INPP4B: variants seen among roughly 807,000 people sequenced by gnomAD.
INPP4B encodes inositol polyphosphate 4-phosphatase type II.
In INPP4B, 55 loss-of-function variants were observed where a neutral mutation model predicts 122.5. That is an observed-to-expected ratio of 0.45 (90% CI 0.36 to 0.56). INPP4B has a LOEUF of 0.56. Ranked by LOEUF, INPP4B falls within the 20% of genes least tolerant of loss-of-function variation. INPP4B has a pLI of 0.00. For synonymous variants in INPP4B, 403 were observed against 388.7 expected (o/e 1.04, Z -0.43); for missense variants, 1,000 against 1,097.7 (o/e 0.91, Z 1.26).
chr4:142,697,877 A>G (rs567493637), intron 2 of INPP4B, among the ~76,000 whole-genome samples: 4 of 152,328 alleles, frequency 2.6e-5, no homozygotes, highest in Admixed American at 2.6e-4. Flanking sequence ...ATTCATATGT[A>G]AATAACAATA....
chr4:142,075,554 T>C (rs373280149), intron 25 of INPP4B, among the ~76,000 whole-genome samples: 2 of 152,012 alleles, frequency 1.3e-5, no homozygotes, highest in African/African-American at 4.8e-5. Context: ...CCTGAGACTT[T>C]TTTCCTAAGA....
At position 142,170,764 on chromosome 4, in the gene INPP4B, G is replaced by C. The variant is rs150612768; in HGVS notation, c.1359+2868C>G. 9.2e-5 allele frequency among the ~76,000 whole-genome samples: 14 copies of C among 151,836 alleles called. No individual in the cohort carries two copies. In the East Asian group the frequency reaches 2.7e-3, roughly 29 times the overall value. ...TACTATCGAGTTTTGGAATTCCTGG[G>C]AAGAACAGGCCTGTGTTTTATTCCA... On this transcript the variant is annotated intron_variant, in intron 16 of 25. Transcript: ENST00000262992.
At chr4:142,301,510 G>T (rs1761398029) in intron 9 of INPP4B, among the ~76,000 whole-genome samples, 1 of 152,136 alleles carries the variant, frequency 6.6e-6, no homozygotes, top group African/African-American at 2.4e-5. Flanking sequence ...AGCAGCTGTA[G>T]AATTTTAGAC....
chr4:142,244,312 T>G (rs1220616607), intron 11 of INPP4B, among the ~76,000 whole-genome samples: 2 of 52,998 alleles, frequency 3.8e-5, no homozygotes, highest in Non-Finnish European at 8.5e-5. Context: ...TTTTTTTTTT[T>G]TTTTTGAGAC....
intron 2 of INPP4B, among the ~76,000 whole-genome samples, chr4:142,623,269 A>G (rs1560879143): frequency 6.6e-6 from 1 of 151,902 alleles, no homozygotes; most frequent in Admixed American, 6.6e-5. Flanking sequence ...AATCTCCCTA[A>G]CAGGGTGGTG....
intron 7 of INPP4B, among the ~76,000 whole-genome samples, chr4:142,332,206 C>A (rs1355916606): frequency 1.3e-5 from 2 of 152,008 alleles, no homozygotes; most frequent in Non-Finnish European, 2.9e-5. Flanking sequence ...TTATATTATA[C>A]CATGTTTCAG....
rs531812170 is a variant in INPP4B, at chr4:142,441,682, A to G, written c.-126-10297T>C. On this transcript the variant is annotated intron_variant, in intron 3 of 25. Coordinates refer to ENST00000262992, the MANE Select transcript of INPP4B (RefSeq NM_001101669.3). ...AGGTGCAAAAATATTTAAGGGGACA[A>G]GAAAAGAAGTTAGTTGGAAAAGGCA... 1.3e-4 allele frequency among the ~76,000 whole-genome samples: 20 copies of G among 152,252 alleles called. 1 individual carries two copies. The East Asian group carries it at 2.3e-3, about 18-fold the overall frequency.
chr4:142,587,013 C>G lies in INPP4B; in HGVS notation c.-190-124287G>C, dbSNP rs1055085559. ...ACTGAGGCCAGAGAGCATATGGGACCTTGAATGCTATTTTCAAAATGGGGA... is the reference window on the plus strand; with the variant it reads ...ACTGAGGCCAGAGAGCATATGGGACGTTGAATGCTATTTTCAAAATGGGGA... On this transcript the variant is annotated intron_variant, in intron 2 of 25. Coordinates refer to ENST00000262992, the MANE Select transcript of INPP4B (RefSeq NM_001101669.3). Among the ~76,000 whole-genome samples the G allele has an allele frequency of 2.0e-5, 3 of 152,056 alleles. No homozygotes were observed. In the South Asian group the frequency reaches 6.2e-4, roughly 32 times the overall value.
At chr4:142,247,926 T>C (rs1293873736) in intron 11 of INPP4B, among the ~76,000 whole-genome samples, 13 of 152,272 alleles carry the variant, frequency 8.5e-5, no homozygotes, top group African/African-American at 7.2e-5. Context: ...GAAGTGTAAA[T>C]TCAGATAAGA....
chr4:142,313,765 T>C (rs1302236832), intron 8 of INPP4B, among the ~76,000 whole-genome samples: 3 of 152,206 alleles, frequency 2.0e-5, no homozygotes, highest in African/African-American at 7.2e-5. Flanking sequence ...AAGGAAGAGA[T>C]GAGAGGCTTG....
At chr4:142,512,520 C>A (rs1395419569) in intron 2 of INPP4B, among the ~76,000 whole-genome samples, 2 of 152,008 alleles carry the variant, frequency 1.3e-5, no homozygotes, top group Non-Finnish European at 2.9e-5. Flanking sequence ...TCTAAAAGAC[C>A]AAGAAAAGAC....
At chr4:142,419,952 C>T (rs777869272) in intron 5 of INPP4B, among the ~76,000 whole-genome samples, 4 of 151,990 alleles carry the variant, frequency 2.6e-5, no homozygotes, top group Non-Finnish European at 5.9e-5. Context: ...CCTCAATTAC[C>T]CCTAAGTAGC....
In INPP4B at chr4:142,029,364, T is replaced by C. The variant is rs1012971385; in HGVS notation, c.2643-450A>G. The C allele has an allele frequency of 5.1e-6, 5 of 984,812 alleles. No homozygotes were observed. In the Admixed American group the frequency reaches 1.8e-4, roughly 36 times the overall value. 61.0% of individuals were successfully genotyped at this position (984,812 alleles called of 1,614,324 possible). A position where few individuals can be genotyped will look rare whatever the true frequency, so the allele number is the denominator to read the frequency against. On this transcript the variant is annotated intron_variant, in intron 25 of 25. Transcript: ENST00000262992. ...TATAGATTTTTAAAGAAAAATTTCA[T>C]CTCTATTTTATTATTTTAGCTGTGC... is the stretch of plus-strand genomic sequence containing the variant.
At chr4:142,052,852 T>C (rs551663069) in intron 25 of INPP4B, among the ~76,000 whole-genome samples, 1 of 152,192 alleles carries the variant, frequency 6.6e-6, no homozygotes, top group East Asian at 1.9e-4. Context: ...TCAGCAATTC[T>C]ATATTTGCTT....
chr4:142,312,473 G>A (rs1214757100), intron 8 of INPP4B, among the ~76,000 whole-genome samples: 1 of 152,092 alleles, frequency 6.6e-6, no homozygotes, highest in African/African-American at 2.4e-5. Context: ...TACCTCCACT[G>A]GGAACTGATT....
At chr4:142,532,792 C>CATAAT (rs1359816701) in intron 2 of INPP4B, among the ~76,000 whole-genome samples, 1 of 152,094 alleles carries the variant, frequency 6.6e-6, no homozygotes, top group Non-Finnish European at 1.5e-5. Context: ...AAATTATAAA[C>CATAAT]TGTAATTATG....
At chr4:142,750,571 T>C (rs1479771972) in intron 1 of INPP4B, among the ~76,000 whole-genome samples, 1 of 152,046 alleles carries the variant, frequency 6.6e-6, no homozygotes, top group Non-Finnish European at 1.5e-5. Context: ...ATAGAAGAGG[T>C]TTCCACTAAG....
intron 16 of INPP4B, among the ~76,000 whole-genome samples, chr4:142,165,281 C>T (rs1288643367): frequency 4.0e-5 from 6 of 151,822 alleles, no homozygotes; most frequent in East Asian, 1.9e-4. Context: ...TCCTCACTAA[C>T]GCCTATTTTC....
At chr4:142,310,137 T>A (rs941774619) in intron 8 of INPP4B, among the ~76,000 whole-genome samples, 15 of 152,060 alleles carry the variant, frequency 9.9e-5, no homozygotes, top group African/African-American at 3.4e-4. Flanking sequence ...TTTTTTTTTT[T>A]TATATTACAA....
Sources: allele counts gnomAD v4.1 joint callset (sites outside exome capture counted in the v4.1 genomes callset), GRCh38; gene constraint gnomAD v4.1.1; transcripts MANE v1.5; gene names NCBI Gene and HGNC (gene_info 2026-07-23, HGNC 2026-07-21).